SORBS2: variants seen among roughly 807,000 people sequenced by gnomAD.
SORBS2 encodes the protein sorbin and SH3 domain-containing protein 2.
Under a neutral mutation model 97.7 loss-of-function variants are expected in SORBS2, and 46 were observed. The observed-to-expected ratio is 0.47, with a 90% CI of 0.37 to 0.60. The LOEUF (loss-of-function observed/expected upper bound fraction) is 0.60. SORBS2 is among the 20% of genes least tolerant of loss of function. The pLI is 0.00. For synonymous variants in SORBS2, 476 were observed against 473.4 expected (o/e 1.01, Z -0.07); for missense variants, 1,316 against 1,282.3 (o/e 1.03, Z -0.40).
intron 2 of SORBS2, among the ~76,000 whole-genome samples, chr4:185,694,724 T>TTTTTTTTTTTA (rs2098149296): frequency 6.8e-6 from 1 of 148,040 alleles, no homozygotes; most frequent in Admixed American, 6.8e-5. Flanking sequence ...TTCTTTTTTT[T>TTTTTTTTTTTA]GAGACGGAGT....
chr4:185,935,920 C>T (rs1425730076), intron 1 of SORBS2, among the ~76,000 whole-genome samples: 2 of 152,166 alleles, frequency 1.3e-5, no homozygotes, highest in Non-Finnish European at 2.9e-5. Context: ...GGTATGATCT[C>T]GGCTCACTGC....
intron 1 of SORBS2, among the ~76,000 whole-genome samples, chr4:185,941,709 C>T (rs376446569): frequency 5.3e-5 from 8 of 152,284 alleles, no homozygotes; most frequent in East Asian, 1.9e-4. Flanking sequence ...TCTCCAGCCC[C>T]GCCTCCAATC....
rs184962968 is a variant in SORBS2, at chr4:185,904,886, C to T, written c.-338+51310G>A. ...TTGGGAGGCTGAGGCAGGTGGATCA[C>T]CTGAGGTCGGGGGTTCGAGACCAGC... On this transcript the variant is annotated intron_variant, in intron 1 of 20. Coordinates refer to the SORBS2 transcript ENST00000284776. Among the ~76,000 whole-genome samples the T allele has an allele frequency of 3.3e-3, 507 of 152,216 alleles. 3 individuals carry two copies. Among genetic ancestry groups the T allele is most frequent in the Non-Finnish European group, 4.9e-3 (334 of 68,010 alleles).
intron 4 of SORBS2, among the ~76,000 whole-genome samples, chr4:185,673,532 T>C (rs993528042): frequency 6.6e-6 from 1 of 152,230 alleles, no homozygotes; most frequent in African/African-American, 2.4e-5. Context: ...AAAAATATTA[T>C]TTAATGATGA....
At chr4:185,834,058 C>A (rs2099206611) in intron 1 of SORBS2, among the ~76,000 whole-genome samples, 1 of 152,182 alleles carries the variant, frequency 6.6e-6, no homozygotes, top group Non-Finnish European at 1.5e-5. Flanking sequence ...AATGTTTAAA[C>A]AGCCTTCAAA....
intron 1 of SORBS2, among the ~76,000 whole-genome samples, chr4:185,827,806 ATCACCATCATCACCG>A (rs1158590805): frequency 1.3e-5 from 2 of 148,876 alleles, no homozygotes; most frequent in Non-Finnish European, 3.0e-5. Context: ...CATCGTCATC[ATCACCATCATCACCG>A]TCACCATCAT....
At chr4:185,936,532 C>A (rs2099269046) in intron 1 of SORBS2, among the ~76,000 whole-genome samples, 1 of 152,190 alleles carries the variant, frequency 6.6e-6, no homozygotes, top group Non-Finnish European at 1.5e-5. Context: ...ATAAGTGTGA[C>A]ATATTCAGAA....
intron 1 of SORBS2, among the ~76,000 whole-genome samples, chr4:185,923,788 G>A (rs2099262178): frequency 6.6e-6 from 1 of 151,632 alleles, no homozygotes; most frequent in East Asian, 1.9e-4. Flanking sequence ...ACAGTATCAG[G>A]GTTCTAACAT....
At chr4:185,653,963 G>T (rs568008380) in intron 1 of SORBS2, among the ~76,000 whole-genome samples, 5 of 152,188 alleles carry the variant, frequency 3.3e-5, no homozygotes, top group Non-Finnish European at 4.4e-5. Flanking sequence ...TGAGCTTTGG[G>T]TTAGATTTTA....
At chr4:185,731,271 C>G (rs1026467191) in intron 2 of SORBS2, among the ~76,000 whole-genome samples, 24 of 152,160 alleles carry the variant, frequency 1.6e-4, no homozygotes, top group Non-Finnish European at 1.9e-4. Flanking sequence ...AATGAGGAAG[C>G]TCAATTGGCT....
chr4:185,655,545 C>T (rs1016234399), intron 1 of SORBS2, among the ~76,000 whole-genome samples: 3 of 152,164 alleles, frequency 2.0e-5, no homozygotes, highest in African/African-American at 7.2e-5. Context: ...CCAAGTAAGA[C>T]AACAATTGTG....
At chr4:185,787,345 A>G (rs1205734293) in intron 1 of SORBS2, among the ~76,000 whole-genome samples, 1 of 152,228 alleles carries the variant, frequency 6.6e-6, no homozygotes, top group Admixed American at 6.5e-5. Context: ...ACTGGCGTGG[A>G]CAAACTGAAC....
chr4:185,925,507 T>A (rs1482060611), intron 1 of SORBS2, among the ~76,000 whole-genome samples: 1 of 152,224 alleles, frequency 6.6e-6, no homozygotes, highest in African/African-American at 2.4e-5. Context: ...AGAACCATTA[T>A]AACTTTTGCT....
At chr4:185,813,580 A>T (rs1343653098) in intron 1 of SORBS2, among the ~76,000 whole-genome samples, 1 of 152,120 alleles carries the variant, frequency 6.6e-6, no homozygotes, top group Non-Finnish European at 1.5e-5. Context: ...TCAGCCTCCC[A>T]TTCTACTATT....
At chr4:185,708,225 T>C (rs1331577278) in intron 2 of SORBS2, among the ~76,000 whole-genome samples, 5 of 152,238 alleles carry the variant, frequency 3.3e-5, no homozygotes, top group Non-Finnish European at 5.9e-5. Flanking sequence ...TCCTCATCAA[T>C]GTATGGAATT....
At chr4:185,770,393 C>A (rs11132346) in intron 2 of SORBS2, among the ~76,000 whole-genome samples, 133,168 of 152,252 alleles carry the variant, frequency 0.87, 58,506 homozygotes, top group African/African-American at 0.92. Context: ...CATTTTCTGC[C>A]GTGTTAATGT....
At chr4:185,938,361 T>C (rs2099270063) in intron 1 of SORBS2, among the ~76,000 whole-genome samples, 1 of 145,544 alleles carries the variant, frequency 6.9e-6, no homozygotes, top group Non-Finnish European at 1.5e-5. Flanking sequence ...GAACCTAGGA[T>C]CCTCTCACCC....
chr4:185,839,011 C>G (rs75578420), intron 1 of SORBS2, among the ~76,000 whole-genome samples: 9,929 of 152,296 alleles, frequency 0.065, 511 homozygotes, highest in African/African-American at 0.15. Context: ...ACATCTCTTT[C>G]TCACCCTGCC....
chr4:185,740,765 T>TAACTCAGCCCAGCACC (rs796747417), intron 2 of SORBS2, among the ~76,000 whole-genome samples: 3,974 of 149,026 alleles, frequency 0.027, 79 homozygotes, highest in Non-Finnish European at 0.031. Context: ...AGCCCAACGC[T>TAACTCAGCCCAGCACC]AACTCAGCCC....
Sources: gnomAD v4.1 joint callset for allele counts (sites outside exome capture counted in the v4.1 genomes callset) on GRCh38, gnomAD v4.1.1 for gene constraint, MANE v1.5 for transcripts, NCBI Gene and HGNC (gene_info 2026-07-23, HGNC 2026-07-21) for gene names.